CDC14A: variants seen among roughly 807,000 people sequenced by gnomAD.
The protein encoded by CDC14A is dual specificity protein phosphatase CDC14A.
CDC14A carries 53 observed loss-of-function variants against 74.4 expected under a neutral mutation model. The observed-to-expected ratio is 0.71, with a 90% confidence interval of 0.57 to 0.89. CDC14A has a LOEUF of 0.89. Among genes scored for constraint, CDC14A ranks in the 40% least tolerant of loss-of-function variants. The pLI is 0.00. For synonymous variants in CDC14A, 247 were observed against 258.4 expected (o/e 0.96, Z 0.43); for missense variants, 646 against 713.7 (o/e 0.91, Z 1.08).
At chr1:100,488,186 C>A (rs962138948) in intron 11 of CDC14A, among the ~76,000 whole-genome samples, 2 of 152,090 alleles carry the variant, frequency 1.3e-5, no homozygotes, top group East Asian at 3.8e-4. Flanking sequence ...ATTTAAAGTG[C>A]AAATATTAAA....
intron 10 of CDC14A, among the ~76,000 whole-genome samples, chr1:100,481,423 C>T (rs1571305014): frequency 2.0e-5 from 3 of 152,126 alleles, no homozygotes; most frequent in Admixed American, 2.0e-4. Flanking sequence ...TGCACAACAG[C>T]TTCCATTGTG....
At chr1:100,397,470 T>C (rs1658674569) in intron 4 of CDC14A, among the ~76,000 whole-genome samples, 3 of 152,194 alleles carry the variant, frequency 2.0e-5, no homozygotes, top group African/African-American at 7.2e-5. Context: ...TTTAAAATTA[T>C]GAGTATGAAT....
At chr1:100,418,480 G>T (rs1282209287) in intron 4 of CDC14A, among the ~76,000 whole-genome samples, 2 of 152,122 alleles carry the variant, frequency 1.3e-5, no homozygotes, top group Non-Finnish European at 2.9e-5. Flanking sequence ...GAGGAAAAAT[G>T]ACAAATTTAC....
chr1:100,443,301 C>T (rs1353837095), intron 7 of CDC14A, among the ~76,000 whole-genome samples: 1 of 151,932 alleles, frequency 6.6e-6, no homozygotes, highest in African/African-American at 2.4e-5. Flanking sequence ...TTTTAGAAAT[C>T]AGGTTTTATT....
rs139094501 is a variant in CDC14A, at chr1:100,510,915, G to C, written c.1756-7336G>C. Among the ~76,000 whole-genome samples the C allele has an allele frequency of 3.3e-5, 5 of 152,266 alleles. No individual in the cohort carries two copies. In the South Asian group the frequency reaches 6.2e-4, roughly 19 times the overall value. Reference sequence around the variant, plus strand: ...AACCCCTTCCTGATCTCCAGAGCCAGCTGACCCTGCTTTGAGATCTGCTAA... The same window carrying C: ...AACCCCTTCCTGATCTCCAGAGCCACCTGACCCTGCTTTGAGATCTGCTAA... On this transcript the variant is annotated intron_variant, in intron 15 of 15. Coordinates refer to ENST00000336454, the MANE Select transcript of CDC14A (RefSeq NM_003672.4).
rs374049036 is a variant in CDC14A at position 100,477,198 on chromosome 1, T to C, written c.978-7094T>C. ...AGATCTGTAAGAAAGTAAACTGGTG[T>C]TCTTTTAAACCACCACATTTACGGT... On this transcript the variant is annotated intron_variant, in intron 10 of 15. Transcript: ENST00000336454. Among the ~76,000 whole-genome samples, 275 of 152,302 alleles carry C rather than the reference T, an allele frequency of 1.8e-3. 2 individuals carry two copies. The highest frequency in any genetic ancestry group is 6.3e-3 in the African/African-American group (262 of 41,570).
intron 2 of CDC14A, among the ~76,000 whole-genome samples, chr1:100,358,474 C>G (rs567290868): frequency 6.6e-6 from 1 of 152,274 alleles, no homozygotes; most frequent in East Asian, 1.9e-4. Context: ...TCATTTTCAG[C>G]CTGTCCATTG....
At chr1:100,517,626 T>C (rs927826913) in intron 15 of CDC14A, among the ~76,000 whole-genome samples, 4 of 152,238 alleles carry the variant, frequency 2.6e-5, no homozygotes, top group African/African-American at 7.2e-5. Flanking sequence ...AGAATTTGTA[T>C]GGTTTACTTG....
intron 8 of CDC14A, among the ~76,000 whole-genome samples, chr1:100,458,531 A>G (rs546557033): frequency 6.6e-6 from 1 of 152,244 alleles, no homozygotes; most frequent in South Asian, 2.1e-4. Flanking sequence ...AAATATTGCT[A>G]TTTTACTGGA....
chr1:100,397,462 T>A (rs17122390), intron 4 of CDC14A, among the ~76,000 whole-genome samples: 10,632 of 152,262 alleles, frequency 0.07, 804 homozygotes, highest in African/African-American at 0.18. Context: ...GATGGCTTTT[T>A]AAAATTATGA....
chr1:100,375,862 G>A (rs962947316), intron 2 of CDC14A, among the ~76,000 whole-genome samples: 18 of 152,086 alleles, frequency 1.2e-4, no homozygotes, highest in Admixed American at 6.5e-4. Flanking sequence ...TGTTTATTGC[G>A]GCACTATTCA....
intron 15 of CDC14A, among the ~76,000 whole-genome samples, chr1:100,517,380 A>G (rs1650314424): frequency 6.6e-6 from 1 of 152,238 alleles, no homozygotes; most frequent in Non-Finnish European, 1.5e-5. Context: ...TAGAAAATCA[A>G]GTAAACTTTG....
At chr1:100,420,299 A>T (rs1307711420) in intron 4 of CDC14A, among the ~76,000 whole-genome samples, 1 of 151,486 alleles carries the variant, frequency 6.6e-6, no homozygotes, top group Non-Finnish European at 1.5e-5. Context: ...CCCCTTGTGT[A>T]TCAGAGAGGT....
chr1:100,500,187 A>G (rs1439824102), intron 15 of CDC14A, among the ~76,000 whole-genome samples: 1 of 152,214 alleles, frequency 6.6e-6, no homozygotes, highest in African/African-American at 2.4e-5. Flanking sequence ...AGGAAATATG[A>G]AGCATGGTAC....
At chr1:100,472,698 C>T (rs528590944) in intron 10 of CDC14A, among the ~76,000 whole-genome samples, 1 of 151,814 alleles carries the variant, frequency 6.6e-6, no homozygotes, top group South Asian at 2.1e-4. Flanking sequence ...GTTTTACATT[C>T]ACATTTAAGT....
chr1:100,490,552 C>G (rs649491), intron 11 of CDC14A, among the ~76,000 whole-genome samples: 142,387 of 152,172 alleles, frequency 0.94, 67,157 homozygotes, highest in Non-Finnish European at 1. Flanking sequence ...TCTGAACTCC[C>G]ATGTGGTTTC....
At chr1:100,351,248 C>T (rs1650954361), upstream of CDC14A, among the ~76,000 whole-genome samples, 1 of 152,024 alleles carries the variant, frequency 6.6e-6, no homozygotes, top group Non-Finnish European at 1.5e-5. Context: ...GCAATTGGCC[C>T]TCGAAGGGCT....
intron 5 of CDC14A, among the ~76,000 whole-genome samples, chr1:100,435,517 C>A (rs551021350): frequency 2.0e-4 from 30 of 152,200 alleles, no homozygotes; most frequent in Middle Eastern, 3.4e-3. Flanking sequence ...CCAAACCCCA[C>A]TGAATTGTAC....
intron 5 of CDC14A, among the ~76,000 whole-genome samples, chr1:100,428,483 G>A (rs1663214810): frequency 6.6e-6 from 1 of 152,118 alleles, no homozygotes; most frequent in African/African-American, 2.4e-5. Context: ...TTCAGTTCTG[G>A]GGTCAGACTC....
Sources: gnomAD v4.1 joint callset for allele counts (sites outside exome capture counted in the v4.1 genomes callset) on GRCh38, gnomAD v4.1.1 for gene constraint, MANE v1.5 for transcripts, NCBI Gene and HGNC (gene_info 2026-07-23, HGNC 2026-07-21) for gene names.